The following MB21D2 variants were observed in gnomAD, a reference collection of about 807,000 sequenced individuals.
MB21D2 encodes nucleotidyltransferase MB21D2.
MB21D2 carries 9 observed loss-of-function variants against 33.3 expected under a neutral mutation model. That is an observed-to-expected ratio of 0.27 (90% CI 0.16 to 0.47). The LOEUF is 0.47. MB21D2 is among the 20% of genes least tolerant of loss of function. The pLI is 0.99. For synonymous variants in MB21D2, 241 were observed against 236.3 expected (o/e 1.02, Z -0.18); for missense variants, 540 against 624.6 (o/e 0.86, Z 1.44).
At chr3:192,839,854 T>C (rs1023650596) in intron 1 of MB21D2, among the ~76,000 whole-genome samples, 1 of 152,154 alleles carries the variant, frequency 6.6e-6, no homozygotes, top group African/African-American at 2.4e-5. Flanking sequence ...CTCAATTCTT[T>C]TTCAAATCCC....
At chr3:192,826,920 C>G (rs1399553399) in intron 1 of MB21D2, among the ~76,000 whole-genome samples, 3 of 149,008 alleles carry the variant, frequency 2.0e-5, no homozygotes, top group Non-Finnish European at 4.4e-5. Context: ...GAGATGGAGT[C>G]TTGCTCTGTC....
chr3:192,862,063 C>G (rs545993086), intron 1 of MB21D2, among the ~76,000 whole-genome samples: 10 of 152,298 alleles, frequency 6.6e-5, no homozygotes, highest in African/African-American at 2.4e-4. Flanking sequence ...ATGAAACCAA[C>G]AGTAAATTCA....
chr3:192,798,951 C>G lies in MB21D2; in HGVS notation c.911G>C (p.Ser304Thr). The change falls in exon 2 of 2, where the codon AGC (serine) becomes ACC (threonine). Residue 304 changes from serine (S) to threonine (T), a missense_variant. Transcript: ENST00000392452. The surrounding 1 kb of genome is among the most constrained non-coding windows in gnomAD (Gnocchi z 4.8). ...GGCCTGATAGGCCTGCATGAGGCTG[C>G]TGGAGATGCACTTCTTCAACTGCAC... ...SEVQLKKCISSSLMQAYQACK... is the reference protein window; with the variant it reads ...SEVQLKKCISTSLMQAYQACK... 1 of 1,613,986 alleles carries G rather than the reference C, an allele frequency of 6.2e-7. No homozygotes were observed. The highest frequency in any genetic ancestry group is 8.5e-7 in the Non-Finnish European group (1 of 1,179,964).
chr3:192,896,520 C>T (rs1433378630), intron 1 of MB21D2, among the ~76,000 whole-genome samples: 1 of 152,126 alleles, frequency 6.6e-6, no homozygotes, highest in East Asian at 1.9e-4. Flanking sequence ...ACCCAACTTT[C>T]CTTCATATTT....
At chr3:192,857,974 A>T (rs1193100084) in intron 1 of MB21D2, among the ~76,000 whole-genome samples, 3 of 152,050 alleles carry the variant, frequency 2.0e-5, no homozygotes, top group East Asian at 3.9e-4. Context: ...AAATTACAAA[A>T]ATTAGCCGGG....
At chr3:192,859,735 A>T (rs543209158) in intron 1 of MB21D2, among the ~76,000 whole-genome samples, 2 of 152,366 alleles carry the variant, frequency 1.3e-5, no homozygotes, top group Admixed American at 6.5e-5. Context: ...TGTGAAGAAG[A>T]CACCATTTGA....
At chr3:192,834,748 T>C (rs937620418) in intron 1 of MB21D2, among the ~76,000 whole-genome samples, 4 of 152,000 alleles carry the variant, frequency 2.6e-5, no homozygotes, top group African/African-American at 7.2e-5. Flanking sequence ...GACTGAAATG[T>C]TCCTTGAATT....
At chr3:192,850,658 C>T (rs1273495107) in intron 1 of MB21D2, among the ~76,000 whole-genome samples, 1 of 152,198 alleles carries the variant, frequency 6.6e-6, no homozygotes, top group Non-Finnish European at 1.5e-5. Context: ...CCGAATCAGC[C>T]CTGAGCAAAC....
intron 1 of MB21D2, among the ~76,000 whole-genome samples, chr3:192,840,542 A>G (rs1368577895): frequency 6.6e-6 from 1 of 151,520 alleles, no homozygotes; most frequent in Non-Finnish European, 1.5e-5. Context: ...CTAAGCCTAG[A>G]AAACTCAGAG....
chr3:192,910,298 CA>C (rs747554734), intron 1 of MB21D2, among the ~76,000 whole-genome samples: 297 of 52,290 alleles, frequency 5.7e-3, no homozygotes, highest in Middle Eastern at 0.01. Context: ...ACCATCTCTA[CA>C]AAAAAAAAAA....
intron 1 of MB21D2, among the ~76,000 whole-genome samples, chr3:192,831,271 G>A (rs1015948252): frequency 1.8e-4 from 28 of 152,206 alleles, no homozygotes; most frequent in African/African-American, 6.3e-4. Flanking sequence ...CAACTTCCCA[G>A]CCATGTGAGT....
intron 1 of MB21D2, among the ~76,000 whole-genome samples, chr3:192,908,107 G>A (rs1257973202): frequency 6.6e-6 from 1 of 152,068 alleles, no homozygotes; most frequent in Non-Finnish European, 1.5e-5. Context: ...AAATTTTCTG[G>A]ACTCCAGAAA....
intron 1 of MB21D2, among the ~76,000 whole-genome samples, chr3:192,886,618 C>T (rs564705788): frequency 4.5e-4 from 69 of 152,196 alleles, no homozygotes; most frequent in Middle Eastern, 3.4e-3. Context: ...CTCTAAAGCA[C>T]ATTTCATACT....
At chr3:192,824,334 T>C (rs528656977) in intron 1 of MB21D2, among the ~76,000 whole-genome samples, 14 of 152,160 alleles carry the variant, frequency 9.2e-5, no homozygotes, top group Admixed American at 7.8e-4. Context: ...TTTTTAATGA[T>C]GGAAAGTTTA....
rs767355223 is a variant in MB21D2, at chr3:192,798,025, A to C, written c.*361T>G. On this transcript the variant is annotated 3_prime_UTR_variant, in exon 2 of 2. Transcript: ENST00000392452. This position sits in a 1 kb window ranked among gnomAD's most constrained non-coding sequence, Gnocchi z 4.8. ...AGGATAGAATCGTTAAGCATCAGAA[A>C]GAGATTTGTTTCCCCATACCCATGA... 5.5e-6 allele frequency: 1 copy of C among 180,188 alleles called. No homozygotes were observed. Among genetic ancestry groups the C allele is most frequent in the Non-Finnish European group, 1.2e-5 (1 of 85,202 alleles). 11.2% of individuals were successfully genotyped at this position (180,188 alleles called of 1,614,324 possible).
chr3:192,899,273 A>G (rs541702560), intron 1 of MB21D2, among the ~76,000 whole-genome samples: 1 of 152,316 alleles, frequency 6.6e-6, no homozygotes, highest in African/African-American at 2.4e-5. Context: ...TCATGCCTAT[A>G]ATCCCAGCAC....
At chr3:192,849,354 GTT>G (rs1712742939) in intron 1 of MB21D2, among the ~76,000 whole-genome samples, 1 of 148,052 alleles carries the variant, frequency 6.8e-6, no homozygotes, top group Non-Finnish European at 1.5e-5. Context: ...GTCTCGCTCT[GTT>G]GCCCAGGCTG....
At chr3:192,850,832 G>A (rs933176531) in intron 1 of MB21D2, among the ~76,000 whole-genome samples, 1 of 152,188 alleles carries the variant, frequency 6.6e-6, no homozygotes, top group Non-Finnish European at 1.5e-5. Context: ...CTGAGCTACT[G>A]AACTCCACAG....
intron 1 of MB21D2, among the ~76,000 whole-genome samples, chr3:192,828,956 A>G (rs1712253818): frequency 6.6e-6 from 1 of 151,708 alleles, no homozygotes; most frequent in Admixed American, 6.6e-5. Context: ...GCCAAAACTC[A>G]CCCCCTTTTA....
Sources: gnomAD v4.1 joint callset for allele counts (sites outside exome capture counted in the v4.1 genomes callset) on GRCh38, gnomAD v4.1.1 for gene constraint, Gnocchi (gnomAD v3.1) non-coding constraint, MANE v1.5 for transcripts, NCBI Gene and HGNC (gene_info 2026-07-23, HGNC 2026-07-21) for gene names.